ZNF462: variants seen among roughly 807,000 people sequenced by gnomAD.
ZNF462 encodes zinc finger protein 462, also known as zinc finger PBX1-interacting protein.
ZNF462 carries 10 observed loss-of-function variants against 201.9 expected under a neutral mutation model. The ratio of observed to expected loss-of-function variants is 0.05; its 90% CI spans 0.03 to 0.08. The LOEUF (loss-of-function observed/expected upper bound fraction) is 0.08, where lower values mean the gene tolerates loss of function less well. Ranked by LOEUF, ZNF462 falls within the 10% of genes least tolerant of loss-of-function variation. ZNF462 has a pLI of 1.00. For missense variants in ZNF462, 2,523 were observed against 3,168.3 expected (o/e 0.80, Z 4.89); for synonymous variants, 1,227 against 1,193.3 (o/e 1.03, Z -0.58).
chr9:106,875,556 CTT>C (rs1238214141), intron 1 of ZNF462, among the ~76,000 whole-genome samples: 1 of 152,192 alleles, frequency 6.6e-6, no homozygotes, highest in Non-Finnish European at 1.5e-5. Context: ...GAACTTTTAA[CTT>C]TATATCACCC....
chr9:106,990,067 A>C (rs994384011), intron 10 of ZNF462, among the ~76,000 whole-genome samples: 1 of 151,316 alleles, frequency 6.6e-6, no homozygotes, highest in Non-Finnish European at 1.5e-5. Context: ...GATCTTGGTG[A>C]TTTCCCTTAA....
chr9:106,923,524 G>A lies in ZNF462; in HGVS notation c.141G>A (p.Gly47=). The A allele has an allele frequency of 6.2e-7, 1 of 1,614,196 alleles. No individual in the cohort carries two copies. Among genetic ancestry groups the A allele is most frequent in the Non-Finnish European group, 8.5e-7 (1 of 1,180,046 alleles). Residue 47 remains glycine (G), a synonymous_variant, in exon 2 of 13, where the codon GGG becomes GGA. Coordinates refer to ENST00000277225, the MANE Select transcript of ZNF462 (RefSeq NM_021224.6). This position sits in a 1 kb window ranked among gnomAD's most constrained non-coding sequence, Gnocchi z 5.6. ...ACAATGTGAATGAGCTACGATGTGG[G>A]TCCGTGAATGCCAGTAATCAGACAG... ...AEDNVNELRC[G]SVNASNQTEV...
intron 10 of ZNF462, among the ~76,000 whole-genome samples, chr9:106,990,011 G>T (rs547272009): frequency 4.0e-5 from 6 of 151,578 alleles, no homozygotes; most frequent in Non-Finnish European, 8.8e-5. Context: ...TTTATCTTTT[G>T]TATTGTTTTT....
At chr9:106,960,623 C>A (rs1831790338) in intron 7 of ZNF462, among the ~76,000 whole-genome samples, 1 of 152,092 alleles carries the variant, frequency 6.6e-6, no homozygotes, top group South Asian at 2.1e-4. Context: ...TCTCAATTAA[C>A]AATGGCAGAT....
At chr9:106,894,694 T>C (rs1828736895) in intron 1 of ZNF462, among the ~76,000 whole-genome samples, 1 of 152,202 alleles carries the variant, frequency 6.6e-6, no homozygotes, top group Admixed American at 6.5e-5. Context: ...CAGGTGGCTG[T>C]TGAGCACTTG....
At chr9:106,894,903 A>G (rs925434087) in intron 1 of ZNF462, among the ~76,000 whole-genome samples, 4 of 152,222 alleles carry the variant, frequency 2.6e-5, no homozygotes, top group Non-Finnish European at 5.9e-5. Flanking sequence ...ATATTAGGCT[A>G]TGTGGACTGT....
At chr9:106,956,059 T>C (rs532460325) in intron 7 of ZNF462, among the ~76,000 whole-genome samples, 1 of 152,318 alleles carries the variant, frequency 6.6e-6, no homozygotes, top group African/African-American at 2.4e-5. Context: ...ATGTTCTTAA[T>C]GTCATCTAGA....
chr9:106,948,367 T>C lies in ZNF462; in HGVS notation c.6427+9260T>C, dbSNP rs558200741. ...TGGAAGTGCCAGGGTACATTTGAGC[T>C]ATAAGTGCATTCAGCTAGCATCAAT... On this transcript the variant is annotated intron_variant, in intron 7 of 12. Coordinates refer to ENST00000277225, the MANE Select transcript of ZNF462 (RefSeq NM_021224.6). 2.1e-4 allele frequency among the ~76,000 whole-genome samples: 32 copies of C among 152,306 alleles called. 1 individual carries two copies. The highest frequency in any genetic ancestry group is 1.8e-3 in the Admixed American group (28 of 15,298).
At position 107,009,431 on chromosome 9, in the gene ZNF462, C is replaced by A; in HGVS notation, c.7190-114C>A. 1 of 1,404,860 alleles carries A rather than the reference C, an allele frequency of 7.1e-7. No individual in the cohort carries two copies. The highest frequency in any genetic ancestry group is 9.7e-7 in the Non-Finnish European group (1 of 1,035,954). The allele number at this position is 1,404,860 out of a possible 1,614,324, so 87.0% of individuals were successfully genotyped here. A position where few individuals can be genotyped will look rare whatever the true frequency, so the allele number is the denominator to read the frequency against. On this transcript the variant is annotated intron_variant, in intron 11 of 12. Coordinates refer to ENST00000277225, the MANE Select transcript of ZNF462 (RefSeq NM_021224.6). The surrounding 1 kb of genome is among the most constrained non-coding windows in gnomAD (Gnocchi z 6.1). The stretch of plus-strand genomic sequence containing the variant: ...AAGTGAGGAATCTGGAAATTGCTTT[C>A]ACCACATGGCTTTATCAGTGAAGGT...
chr9:106,869,925 C>G (rs1379914085), intron 1 of ZNF462, among the ~76,000 whole-genome samples: 1 of 150,894 alleles, frequency 6.6e-6, no homozygotes, highest in Non-Finnish European at 1.5e-5. Context: ...TTTTTTTTTT[C>G]CCCTTGAACT....
intron 1 of ZNF462, among the ~76,000 whole-genome samples, chr9:106,903,684 T>A (rs1470723939): frequency 6.6e-6 from 1 of 152,228 alleles, no homozygotes; most frequent in African/African-American, 2.4e-5. Flanking sequence ...CTGTCCCTCT[T>A]TGTCTCCTTT....
At chr9:106,944,098 AT>A (rs1382528787) in intron 7 of ZNF462, among the ~76,000 whole-genome samples, 1 of 152,210 alleles carries the variant, frequency 6.6e-6, no homozygotes, top group Non-Finnish European at 1.5e-5. Flanking sequence ...TATAGAAAGT[AT>A]GATGGAGCTG....
chr9:106,900,336 A>G (rs895460522), intron 1 of ZNF462, among the ~76,000 whole-genome samples: 2 of 152,010 alleles, frequency 1.3e-5, no homozygotes, highest in Non-Finnish European at 2.9e-5. Context: ...TTGTGCTGCT[A>G]TAAACATGGG....
rs190489210 is a variant in ZNF462, at chr9:106,932,283, C to T, written c.6013-163C>T. 1.3e-6 allele frequency: 2 copies of T among 1,551,294 alleles called. No homozygotes were observed. Among genetic ancestry groups the T allele is most frequent in the African/African-American group, 1.4e-5 (1 of 73,036 alleles). Reference sequence around the variant, plus strand: ...CTTAGCAGGAGGCGGATGACCCTGCCCACTTGTTCCTGGATGGATTGGAAG... The same window carrying T: ...CTTAGCAGGAGGCGGATGACCCTGCTCACTTGTTCCTGGATGGATTGGAAG... On this transcript the variant is annotated intron_variant, in intron 4 of 12. Transcript: ENST00000277225. The surrounding 1 kb of genome is among the most constrained non-coding windows in gnomAD (Gnocchi z 6.8).
intron 9 of ZNF462, chr9:106,976,611 A>G (rs1017678631): frequency 1.3e-5 from 2 of 152,176 alleles, no homozygotes; most frequent in African/African-American, 4.8e-5. Context: ...GTTTACTTGT[A>G]AGGATCATTT....
At chr9:106,868,419 A>G (rs764947208) in intron 1 of ZNF462, among the ~76,000 whole-genome samples, 2 of 152,238 alleles carry the variant, frequency 1.3e-5, no homozygotes, top group African/African-American at 4.8e-5. Context: ...ACTTAGTGTT[A>G]TGTGGAAGAA....
Position 106,968,881 on chromosome 9 carries a change from C to G in ZNF462, c.6428-3124C>G, listed in dbSNP as rs969197166. 6.6e-6 allele frequency among the ~76,000 whole-genome samples: 1 copy of G among 152,204 alleles called. No homozygotes were observed. The highest frequency in any genetic ancestry group is 2.4e-5 in the African/African-American group (1 of 41,450). On this transcript the variant is annotated intron_variant, in intron 7 of 12. Transcript: ENST00000277225. The surrounding 1 kb of genome is among the most constrained non-coding windows in gnomAD (Gnocchi z 4.0). ...TGACATGCCCTTCGCAGCTAACAAT[C>G]TGTTTGCCTTTCTAACCTGGGCACA...
rs1829762466 is a variant in ZNF462, at chr9:107,009,025, A to T, written c.7190-520A>T. Among the ~76,000 whole-genome samples the T allele has an allele frequency of 6.6e-6, 1 of 152,172 alleles. No individual in the cohort carries two copies. Among genetic ancestry groups the T allele is most frequent in the African/African-American group, 2.4e-5 (1 of 41,452 alleles). ...GTATTGATTATAATGTCTATGATGG[A>T]TGACCACAAGTCATGAGCCTTCAGC... On this transcript the variant is annotated intron_variant, in intron 11 of 12. Coordinates refer to ENST00000277225, the MANE Select transcript of ZNF462 (RefSeq NM_021224.6). This position sits in a 1 kb window ranked among gnomAD's most constrained non-coding sequence, Gnocchi z 6.1.
In ZNF462 at chr9:106,932,710, G is replaced by A; in HGVS notation, c.6116+161G>A. ...CTCAGTCACCTTTTCTGTAAAATGG[G>A]GCTGAGAACAGGAGATTGATCGGAT... On this transcript the variant is annotated intron_variant, in intron 5 of 12. Coordinates refer to ENST00000277225, the MANE Select transcript of ZNF462 (RefSeq NM_021224.6). The surrounding 1 kb of genome is among the most constrained non-coding windows in gnomAD (Gnocchi z 6.8). 6.9e-6 allele frequency: 6 copies of A among 869,836 alleles called. No individual in the cohort carries two copies. Among genetic ancestry groups the A allele is most frequent in the Non-Finnish European group, 1.8e-6 (1 of 571,178 alleles). 53.9% of individuals were successfully genotyped at this position (869,836 alleles called of 1,614,324 possible). A position where few individuals can be genotyped will look rare whatever the true frequency, so the allele number is the denominator to read the frequency against.
Sources: allele counts gnomAD v4.1 joint callset (sites outside exome capture counted in the v4.1 genomes callset), GRCh38; gene constraint gnomAD v4.1.1; non-coding constraint Gnocchi (gnomAD v3.1); transcripts MANE v1.5; gene names NCBI Gene and HGNC (gene_info 2026-07-23, HGNC 2026-07-21).